GAS2: variants seen among roughly 807,000 people sequenced by gnomAD.
The protein encoded by GAS2 is growth arrest-specific protein 2.
GAS2 carries 20 observed loss-of-function variants against 37.5 expected under a neutral mutation model. That is an observed-to-expected ratio of 0.53 (90% CI 0.37 to 0.77). The LOEUF (loss-of-function observed/expected upper bound fraction) is 0.77, where lower values mean the gene tolerates loss of function less well. Ranked by LOEUF, GAS2 falls within the 30% of genes least tolerant of loss-of-function variation. The pLI, the probability that GAS2 is intolerant of heterozygous loss-of-function variation, is 0.00. For synonymous variants in GAS2, 144 were observed against 132.2 expected (o/e 1.09, Z -0.61); for missense variants, 336 against 373.4 (o/e 0.90, Z 0.82).
intron 2 of GAS2, among the ~76,000 whole-genome samples, chr11:22,680,443 C>A (rs533759189): frequency 4.6e-5 from 7 of 152,164 alleles, no homozygotes; most frequent in African/African-American, 1.7e-4. Flanking sequence ...TCTCAAAATA[C>A]TGAATAATTT....
intron 1 of GAS2, among the ~76,000 whole-genome samples, chr11:22,637,032 G>T: frequency 7.8e-6 from 1 of 127,806 alleles, no homozygotes. Flanking sequence ...TATATATTCT[G>T]GTTATCTATT....
chr11:22,657,523 C>CGT (rs1288299844), intron 1 of GAS2, among the ~76,000 whole-genome samples: 4 of 151,492 alleles, frequency 2.6e-5, no homozygotes, highest in African/African-American at 7.3e-5. Flanking sequence ...GTTGTTCCTG[C>CGT]GTGTGTGTGT....
chr11:22,777,020 G>A (rs1855294083), intron 7 of GAS2, among the ~76,000 whole-genome samples: 1 of 152,176 alleles, frequency 6.6e-6, no homozygotes, highest in African/African-American at 2.4e-5. Context: ...GAGTCCAACA[G>A]GAGGTGGCTC....
At chr11:22,633,251 T>C (rs1023169342) in intron 1 of GAS2, among the ~76,000 whole-genome samples, 5 of 152,204 alleles carry the variant, frequency 3.3e-5, no homozygotes, top group Admixed American at 3.3e-4. Flanking sequence ...TGTTTTTCCC[T>C]CTTGAGGATA....
intron 3 of GAS2, among the ~76,000 whole-genome samples, chr11:22,692,168 G>A (rs1424015108): frequency 6.6e-6 from 1 of 152,086 alleles, no homozygotes; most frequent in East Asian, 1.9e-4. Flanking sequence ...GGGGGTGGGG[G>A]AGCGGAAAGC....
chr11:22,734,570 A>T (rs1852650560), intron 4 of GAS2, among the ~76,000 whole-genome samples: 1 of 151,826 alleles, frequency 6.6e-6, no homozygotes, highest in East Asian at 1.9e-4. Context: ...AATTAATATT[A>T]ATCGACTAAA....
chr11:22,792,584 T>A (rs1227193858), intron 7 of GAS2, among the ~76,000 whole-genome samples: 1 of 152,230 alleles, frequency 6.6e-6, no homozygotes, highest in Non-Finnish European at 1.5e-5. Context: ...AGTTTATGTC[T>A]AAAAACTGGC....
intron 7 of GAS2, among the ~76,000 whole-genome samples, chr11:22,790,872 G>C (rs756859218): frequency 6.6e-6 from 1 of 152,012 alleles, no homozygotes; most frequent in Non-Finnish European, 1.5e-5. Context: ...TAAGAAATTT[G>C]AAATGTAGCA....
intron 7 of GAS2, among the ~76,000 whole-genome samples, chr11:22,761,541 C>T (rs1854392849): frequency 6.6e-6 from 1 of 152,066 alleles, no homozygotes; most frequent in Non-Finnish European, 1.5e-5. Context: ...TAATATTGTA[C>T]CTTAGGGTTG....
chr11:22,799,630 T>C (rs1374701348), intron 7 of GAS2, among the ~76,000 whole-genome samples: 40 of 152,088 alleles, frequency 2.6e-4, no homozygotes, highest in Non-Finnish European at 4.4e-5. Flanking sequence ...GAATTATCAT[T>C]CACACAGATT....
At chr11:22,720,657 A>G (rs1401389906) in intron 3 of GAS2, among the ~76,000 whole-genome samples, 2 of 151,950 alleles carry the variant, frequency 1.3e-5, no homozygotes, top group African/African-American at 4.8e-5. Context: ...CACTCTATAT[A>G]CCCTTTGGAA....
chr11:22,786,987 G>T (rs1318654843), intron 7 of GAS2, among the ~76,000 whole-genome samples: 1 of 152,014 alleles, frequency 6.6e-6, no homozygotes, highest in African/African-American at 2.4e-5. Flanking sequence ...CTGAAGTGAG[G>T]CCTGATAATC....
intron 4 of GAS2, among the ~76,000 whole-genome samples, chr11:22,735,244 T>TTC (rs1554976312): frequency 9.4e-5 from 14 of 148,584 alleles, no homozygotes; most frequent in African/African-American, 3.3e-4. Flanking sequence ...TTTTTTTTTT[T>TTC]GGTCCATTAG....
chr11:22,807,441 T>C (rs1192334541), intron 7 of GAS2, among the ~76,000 whole-genome samples: 1 of 152,214 alleles, frequency 6.6e-6, no homozygotes, highest in Non-Finnish European at 1.5e-5. Flanking sequence ...ATTCTCTAAT[T>C]TTGTGGAACA....
chr11:22,639,165 C>T (rs1858878925), intron 1 of GAS2, among the ~76,000 whole-genome samples: 1 of 152,096 alleles, frequency 6.6e-6, no homozygotes, highest in Non-Finnish European at 1.5e-5. Flanking sequence ...AATATCCTCT[C>T]CAAAACTCAT....
chr11:22,729,739 TAAAATCTACCTTATTACTA>T (rs1282223853), intron 4 of GAS2, among the ~76,000 whole-genome samples: 1 of 127,008 alleles, frequency 7.9e-6, no homozygotes, highest in Non-Finnish European at 1.7e-5. Context: ...TAGATGTGAA[TAAAATCTACCTTATTACTA>T]AAGGTAGATT....
chr11:22,687,095 G>A (rs758868915), intron 3 of GAS2, among the ~76,000 whole-genome samples: 1 of 152,214 alleles, frequency 6.6e-6, no homozygotes, highest in Admixed American at 6.5e-5. Context: ...GGGGGTCAAG[G>A]CAGGCAGATT....
chr11:22,636,905 A>G (rs1043995440), intron 1 of GAS2, among the ~76,000 whole-genome samples: 5 of 141,068 alleles, frequency 3.5e-5, no homozygotes, highest in Non-Finnish European at 6.1e-5. Context: ...TATATTATTT[A>G]AATATAATAT....
chr11:22,700,934 T>C (rs1208035738), intron 3 of GAS2, among the ~76,000 whole-genome samples: 1 of 152,028 alleles, frequency 6.6e-6, no homozygotes, highest in African/African-American at 2.4e-5. Flanking sequence ...GATGAAATCA[T>C]TTTTTTTCTT....
Sources: allele counts gnomAD v4.1 joint callset (sites outside exome capture counted in the v4.1 genomes callset), GRCh38; gene constraint gnomAD v4.1.1; transcripts MANE v1.5; gene names NCBI Gene and HGNC (gene_info 2026-07-23, HGNC 2026-07-21).